The following MAML2 variants were observed in gnomAD, a reference collection of about 807,000 sequenced individuals.
MAML2 encodes the protein mastermind like transcriptional coactivator 2.
Under a neutral mutation model 96.1 loss-of-function variants are expected in MAML2, and 22 were observed. That is an observed-to-expected ratio of 0.23 (90% CI 0.16 to 0.33). MAML2 has a LOEUF of 0.33. Ranked by LOEUF, MAML2 falls within the 10% of genes least tolerant of loss-of-function variation. The probability of loss-of-function intolerance (pLI) is 1.00; values close to 1 mark genes in which losing one functional copy is unlikely to be tolerated. For synonymous variants in MAML2, 561 were observed against 521.3 expected (o/e 1.08, Z -1.04); for missense variants, 1,367 against 1,392.4 (o/e 0.98, Z 0.29).
intron 2 of MAML2, among the ~76,000 whole-genome samples, chr11:96,004,907 G>A (rs1388382158): frequency 6.6e-6 from 1 of 152,174 alleles, no homozygotes; most frequent in East Asian, 1.9e-4. Flanking sequence ...GGCACAAGAG[G>A]TGAGCCCTTA....
At chr11:96,285,075 T>G (rs1356751002) in intron 1 of MAML2, among the ~76,000 whole-genome samples, 1 of 152,154 alleles carries the variant, frequency 6.6e-6, no homozygotes. Context: ...GTTAAGGAAC[T>G]TGTCCAAAGT....
intron 1 of MAML2, among the ~76,000 whole-genome samples, chr11:96,169,659 C>CTTTTTTTTTTT (rs5793784): frequency 0.018 from 2,552 of 144,542 alleles, 113 homozygotes; most frequent in African/African-American, 0.062. Flanking sequence ...AGAAAGTAAA[C>CTTTTTTTTTTT]TTTTTTTTTT....
intron 1 of MAML2, among the ~76,000 whole-genome samples, chr11:96,159,404 ATTCTTTTTTT>A (rs1233794567): frequency 3.2e-5 from 2 of 62,000 alleles, no homozygotes; most frequent in Admixed American, 2.2e-4. Context: ...TAAACCACTG[ATTCTTTTTTT>A]TTTTTTTTTT....
In MAML2 at chr11:96,091,911, A is replaced by G; in HGVS notation, c.2120T>C (p.Val707Ala). The G allele has an allele frequency of 6.2e-7, 1 of 1,613,348 alleles. No homozygotes were observed. Among genetic ancestry groups the G allele is most frequent in the South Asian group, 1.1e-5 (1 of 90,842 alleles). ...NQPIAGMGYQ[V>A]SQQQRQDQHS... The stretch of plus-strand genomic sequence containing the variant: ...CCTTACCTGTCTCTGTTGTTGGGAG[A>G]CTTGGTATCCCATTCCTGCAATGGG... The change falls in exon 2 of 5, where the codon GTC (valine) becomes GCC (alanine). Residue 707 changes from valine to alanine, a missense_variant. Physicochemically the swap from Val to Ala is moderately conservative, Grantham distance 64. Transcript: ENST00000524717.
chr11:96,063,867 T>C (rs186942413), intron 2 of MAML2, among the ~76,000 whole-genome samples: 40 of 152,370 alleles, frequency 2.6e-4, no homozygotes, highest in Admixed American at 3.9e-4. Flanking sequence ...CTAAATATTC[T>C]TTTTTGCCTG....
At chr11:96,296,864 T>G (rs1306862517) in intron 1 of MAML2, among the ~76,000 whole-genome samples, 1 of 152,152 alleles carries the variant, frequency 6.6e-6, no homozygotes, top group Non-Finnish European at 1.5e-5. Flanking sequence ...GGAAAAACAA[T>G]GTCATATCCA....
intron 1 of MAML2, among the ~76,000 whole-genome samples, chr11:96,271,175 C>T (rs1354013789): frequency 6.6e-6 from 1 of 152,206 alleles, no homozygotes; most frequent in East Asian, 1.9e-4. Flanking sequence ...TTCCTTGCTC[C>T]TCAGCTTGTA....
chr11:96,250,679 T>C (rs1426452992), intron 1 of MAML2, among the ~76,000 whole-genome samples: 1 of 152,238 alleles, frequency 6.6e-6, no homozygotes, highest in Non-Finnish European at 1.5e-5. Context: ...CCTTCTCTTC[T>C]GTGTAAAGCA....
chr11:95,988,168 A>G (rs1188796677), intron 3 of MAML2, among the ~76,000 whole-genome samples: 1 of 151,840 alleles, frequency 6.6e-6, no homozygotes, highest in Non-Finnish European at 1.5e-5. Flanking sequence ...AGAGAGAAAG[A>G]GAGAGATAAA....
intron 1 of MAML2, among the ~76,000 whole-genome samples, chr11:96,274,077 C>CATTTTTTTTTTTTTTTTTTTT (rs1674736405): frequency 1.1e-5 from 1 of 91,792 alleles, no homozygotes. Flanking sequence ...TTTCCTTTTC[C>CATTTTTTTTTTTTTTTTTTTT]TTTTTTTTTT....
At chr11:96,120,903 A>G (rs778188556) in intron 1 of MAML2, among the ~76,000 whole-genome samples, 6 of 152,200 alleles carry the variant, frequency 3.9e-5, no homozygotes, top group Admixed American at 2.6e-4. Flanking sequence ...AAAGATCCTC[A>G]TGTTTCCTTA....
At chr11:96,250,731 C>T (rs1862570590) in intron 1 of MAML2, among the ~76,000 whole-genome samples, 1 of 152,200 alleles carries the variant, frequency 6.6e-6, no homozygotes, top group South Asian at 2.1e-4. Context: ...TGTTCAATTT[C>T]TCTGCCAGGC....
At chr11:96,278,937 G>A (rs1863025931) in intron 1 of MAML2, among the ~76,000 whole-genome samples, 1 of 152,154 alleles carries the variant, frequency 6.6e-6, no homozygotes, top group Non-Finnish European at 1.5e-5. Flanking sequence ...CTAACATTGT[G>A]GCAGTGGCAG....
chr11:96,119,961 T>TTTA (rs1860307414), intron 1 of MAML2, among the ~76,000 whole-genome samples: 1 of 148,644 alleles, frequency 6.7e-6, no homozygotes, highest in African/African-American at 2.5e-5. Flanking sequence ...GATTCAGATT[T>TTTA]TTTTTTTTTT....
chr11:96,193,670 G>T (rs1332711929), intron 1 of MAML2, among the ~76,000 whole-genome samples: 1 of 151,782 alleles, frequency 6.6e-6, no homozygotes, highest in Non-Finnish European at 1.5e-5. Context: ...GCTCTCCCGT[G>T]TAACAAAAAA....
chr11:96,029,725 C>G (rs1407702452), intron 2 of MAML2, among the ~76,000 whole-genome samples: 1 of 152,134 alleles, frequency 6.6e-6, no homozygotes, highest in Non-Finnish European at 1.5e-5. Context: ...TGGCTTAAAG[C>G]TCTGACTTTC....
intron 3 of MAML2, among the ~76,000 whole-genome samples, chr11:95,986,578 C>T (rs1857832870): frequency 6.6e-6 from 1 of 152,046 alleles, no homozygotes; most frequent in South Asian, 2.1e-4. Flanking sequence ...CCGATATAGG[C>T]ACTATATGAA....
chr11:96,092,668 G>A lies in MAML2; in HGVS notation c.1363C>T (p.Gln455Ter), dbSNP rs1859744658. ...QHARMQQHQQ[Q>*]HQPTNWSALP... ...GCTGACCAGTTGGTAGGCTGGTGCT[G>A]CTGCTGGTGCTGCTGCATCCGGGCA... The change falls in exon 2 of 5, where the codon CAG becomes TAG. Residue 455 changes from glutamine (Q) to a stop codon, truncating the protein, a stop_gained. Coordinates refer to ENST00000524717, the MANE Select transcript of MAML2 (RefSeq NM_032427.4). LOFTEE classifies it high-confidence loss of function. The surrounding 1 kb of genome is among the most constrained non-coding windows in gnomAD (Gnocchi z 4.1). The A allele has an allele frequency of 6.2e-7, 1 of 1,613,102 alleles. No homozygotes were observed. Among genetic ancestry groups the A allele is most frequent in the African/African-American group, 1.3e-5 (1 of 74,880 alleles).
At chr11:96,034,075 G>A (rs773860814) in intron 2 of MAML2, among the ~76,000 whole-genome samples, 3 of 152,122 alleles carry the variant, frequency 2.0e-5, no homozygotes, top group Admixed American at 1.3e-4. Context: ...AAAGAACAAC[G>A]TTCCTTATAG....
Sources: allele counts gnomAD v4.1 joint callset (sites outside exome capture counted in the v4.1 genomes callset), GRCh38; gene constraint gnomAD v4.1.1; non-coding constraint Gnocchi (gnomAD v3.1); transcripts MANE v1.5; gene names NCBI Gene and HGNC (gene_info 2026-07-23, HGNC 2026-07-21).